Variants in KIAA1958 observed in about 807,000 individuals in gnomAD.
KIAA1958 encodes KIAA1958.
Under a neutral mutation model 47.2 loss-of-function variants are expected in KIAA1958, and 14 were observed. That is an observed-to-expected ratio of 0.30 (90% CI 0.20 to 0.46). The LOEUF is 0.46. Ranked by LOEUF, KIAA1958 falls within the 20% of genes least tolerant of loss-of-function variation. The probability of loss-of-function intolerance (pLI) is 1.00; values close to 1 mark genes in which losing one functional copy is unlikely to be tolerated. For missense variants in KIAA1958, 803 were observed against 909.2 expected, an observed-to-expected ratio of 0.88 and a Z score of 1.50; for synonymous variants, 354 against 353.3, an observed-to-expected ratio of 1.00 and a Z score of -0.02.
At chr9:112,536,078 A>G (rs1834850492) in intron 1 of KIAA1958, among the ~76,000 whole-genome samples, 1 of 152,202 alleles carries the variant, frequency 6.6e-6, no homozygotes, top group Non-Finnish European at 1.5e-5. Context: ...GGGTTCAATG[A>G]GTGGCTAATG....
At chr9:112,615,722 G>A (rs1470185135) in intron 2 of KIAA1958, among the ~76,000 whole-genome samples, 1 of 152,114 alleles carries the variant, frequency 6.6e-6, no homozygotes, top group African/African-American at 2.4e-5. Flanking sequence ...ATATGCATAA[G>A]ACAGGAAATG....
intron 1 of KIAA1958, among the ~76,000 whole-genome samples, chr9:112,562,317 A>G (rs1162689456): frequency 1.3e-5 from 2 of 152,238 alleles, no homozygotes; most frequent in African/African-American, 4.8e-5. Flanking sequence ...AGATAAGGAA[A>G]CTAAGGGACC....
intron 2 of KIAA1958, among the ~76,000 whole-genome samples, chr9:112,602,141 T>C (rs774208213): frequency 1.1e-4 from 16 of 152,188 alleles, no homozygotes; most frequent in Non-Finnish European, 1.5e-4. Context: ...AAAGAAGATA[T>C]TGACTTTTTA....
At chr9:112,516,920 G>A (rs1348119313) in intron 1 of KIAA1958, among the ~76,000 whole-genome samples, 2 of 152,220 alleles carry the variant, frequency 1.3e-5, no homozygotes, top group African/African-American at 4.8e-5. Flanking sequence ...ACAGAAAACA[G>A]AAGTGTGAGG....
At chr9:112,592,125 T>C (rs1252031457) in intron 2 of KIAA1958, among the ~76,000 whole-genome samples, 2 of 151,920 alleles carry the variant, frequency 1.3e-5, no homozygotes, top group Non-Finnish European at 2.9e-5. Context: ...CTGGAATGAG[T>C]TAGGGTGGAG....
At chr9:112,641,927 A>G (rs1435362303) in intron 2 of KIAA1958, among the ~76,000 whole-genome samples, 1 of 152,156 alleles carries the variant, frequency 6.6e-6, no homozygotes, top group Non-Finnish European at 1.5e-5. Flanking sequence ...TATATTTGAA[A>G]TGTCTAATTT....
chr9:112,636,904 G>A (rs1459682849), intron 2 of KIAA1958, among the ~76,000 whole-genome samples: 1 of 151,544 alleles, frequency 6.6e-6, no homozygotes, highest in Non-Finnish European at 1.5e-5. Flanking sequence ...ACACTTTTTT[G>A]GTCCCATCTA....
intron 1 of KIAA1958, among the ~76,000 whole-genome samples, chr9:112,511,503 C>T (rs570084609): frequency 6.6e-6 from 1 of 152,140 alleles, no homozygotes; most frequent in Admixed American, 6.5e-5. Flanking sequence ...AATGATATAC[C>T]ATAAAATCTA....
chr9:112,594,188 T>TA (rs1345783818), intron 2 of KIAA1958, among the ~76,000 whole-genome samples: 2 of 152,216 alleles, frequency 1.3e-5, no homozygotes, highest in East Asian at 3.8e-4. Flanking sequence ...AAATGTAGTA[T>TA]AGTTGGAAAG....
intron 1 of KIAA1958, among the ~76,000 whole-genome samples, chr9:112,562,617 C>T (rs192352476): frequency 7.5e-4 from 114 of 152,152 alleles, no homozygotes; most frequent in African/African-American, 2.7e-3. Context: ...TTGAAGAGAC[C>T]CAGAAGCTTT....
chr9:112,631,897 G>A (rs1836716952), intron 2 of KIAA1958, among the ~76,000 whole-genome samples: 1 of 152,122 alleles, frequency 6.6e-6, no homozygotes, highest in African/African-American at 2.4e-5. Flanking sequence ...TGTTAGATTG[G>A]ATTTGTTTCC....
rs774744156 is a variant in KIAA1958 at position 112,659,624 on chromosome 9, T to C, written c.1706T>C (p.Met569Thr). ...AAGTACAACAGCCAGTACCTGAACATGCGGACGCTGCAGGAGCATGCGGAT... is the reference window on the plus strand; with the variant it reads ...AAGTACAACAGCCAGTACCTGAACACGCGGACGCTGCAGGAGCATGCGGAT... ...VVKYNSQYLN[M>T]RTLQEHADLM... is the part of the protein sequence containing the mutation. Residue 569 changes from methionine (M) to threonine (T), a missense_variant, in exon 4 of 4, where the codon ATG becomes ACG. Coordinates refer to ENST00000337530, the MANE Select transcript of KIAA1958 (RefSeq NM_133465.4). 3.1e-6 allele frequency: 5 copies of C among 1,614,070 alleles called. No homozygotes were observed. Among genetic ancestry groups the C allele is most frequent in the Admixed American group, 1.7e-5 (1 of 60,022 alleles).
rs537535836 is a variant in KIAA1958 at position 112,668,274 on chromosome 9, A to C, written c.*8205A>C. 1 of 152,334 alleles carries C rather than the reference A, an allele frequency of 6.6e-6. No individual in the cohort carries two copies. The highest frequency in any genetic ancestry group is 2.1e-4 in the South Asian group (1 of 4,828). The allele number at this position is 152,334 out of a possible 1,614,324, so 9.4% of individuals were successfully genotyped here. ...GGGTATAAAGTCAGAAAATTGCAGA[A>C]TATAAGTCTGTGTTTCAAAAAGCAA... On this transcript the variant is annotated 3_prime_UTR_variant, in exon 4 of 4. Transcript: ENST00000337530.
At chr9:112,650,269 G>A (rs1041782439) in intron 3 of KIAA1958, among the ~76,000 whole-genome samples, 1 of 152,052 alleles carries the variant, frequency 6.6e-6, no homozygotes, top group Non-Finnish European at 1.5e-5. Flanking sequence ...AGCTCTTCAG[G>A]CAGAAGCAAA....
At chr9:112,512,308 A>G (rs1273225867) in intron 1 of KIAA1958, among the ~76,000 whole-genome samples, 1 of 152,234 alleles carries the variant, frequency 6.6e-6, no homozygotes, top group East Asian at 1.9e-4. Context: ...AAAACACATC[A>G]TAACCAAGTA....
At position 112,611,661 on chromosome 9, in the gene KIAA1958, T is replaced by C. The variant is rs147606223; in HGVS notation, c.1172-33989T>C. 1.9e-3 allele frequency among the ~76,000 whole-genome samples: 292 copies of C among 152,226 alleles called. 4 individuals carry two copies. Among genetic ancestry groups the C allele is most frequent in the Non-Finnish European group, 4.4e-4 (30 of 67,972 alleles). On this transcript the variant is annotated intron_variant, in intron 2 of 3. Transcript: ENST00000337530. ...TTCCCAATCATAAGTATGTCAGGTT[T>C]TCCTAAACTTAGTATACATTTAATT...
At chr9:112,544,307 T>C (rs1834993249) in intron 1 of KIAA1958, among the ~76,000 whole-genome samples, 1 of 152,240 alleles carries the variant, frequency 6.6e-6, no homozygotes, top group African/African-American at 2.4e-5. Context: ...TTTGTTTTAC[T>C]CATGAAAAAC....
intron 1 of KIAA1958, among the ~76,000 whole-genome samples, chr9:112,544,494 T>C (rs1045800444): frequency 1.3e-5 from 2 of 152,216 alleles, no homozygotes; most frequent in Admixed American, 6.5e-5. Flanking sequence ...GTTCAGTTAA[T>C]GGTTCAGTTA....
chr9:112,575,170 G>A lies in KIAA1958; in HGVS notation c.1090G>A (p.Glu364Lys). 1 of 1,598,118 alleles carries A rather than the reference G, an allele frequency of 6.3e-7. No individual in the cohort carries two copies. The highest frequency in any genetic ancestry group is 8.5e-7 in the Non-Finnish European group (1 of 1,178,858). Residue 364 changes from glutamate (E) to lysine (K), a missense_variant, in exon 2 of 4, where the codon GAG (glutamate) becomes AAG (lysine). By Grantham distance (56) the Glu-to-Lys change is moderately conservative. This residue lies in a region of KIAA1958 where 761 missense variants were observed against 829.3 expected (regional missense o/e 0.92). Transcript: ENST00000337530. ...EVALSPSVNTEPEVSSSQQQP... is the reference protein window; with the variant it reads ...EVALSPSVNTKPEVSSSQQQP... ...AGCCCTTTCTCCCTCAGTTAACACA[G>A]AGCCAGAAGTGAGCTCCAGTCAGCA...
Sources: gnomAD v4.1 joint callset for allele counts (sites outside exome capture counted in the v4.1 genomes callset) on GRCh38, gnomAD v4.1.1 for gene constraint, gnomAD v4.1.1 regional missense constraint, MANE v1.5 for transcripts, NCBI Gene and HGNC (gene_info 2026-07-23, HGNC 2026-07-21) for gene names.